ZNF804A: variants seen among roughly 807,000 people sequenced by gnomAD.
ZNF804A encodes zinc finger protein 804A.
In ZNF804A, 2 loss-of-function variants were observed where a neutral mutation model predicts 16.5. The ratio of observed to expected loss-of-function variants is 0.12; its 90% CI spans 0.05 to 0.38. The LOEUF is 0.38. Among genes scored for constraint, ZNF804A ranks in the 10% least tolerant of loss-of-function variants. The pLI is 0.99. For synonymous variants in ZNF804A, 534 were observed against 489.6 expected, an observed-to-expected ratio of 1.09 and a Z score of -1.20; for missense variants, 1,473 against 1,390.7, an observed-to-expected ratio of 1.06 and a Z score of -0.94.
intron 1 of ZNF804A, among the ~76,000 whole-genome samples, chr2:184,663,039 T>G (rs985526887): frequency 6.6e-6 from 1 of 152,062 alleles, no homozygotes; most frequent in Non-Finnish European, 1.5e-5. Context: ...CCCTCTGGAG[T>G]AGCCTCTGTG....
At chr2:184,915,213 C>A (rs1286417302) in intron 2 of ZNF804A, among the ~76,000 whole-genome samples, 1 of 151,820 alleles carries the variant, frequency 6.6e-6, no homozygotes, top group Non-Finnish European at 1.5e-5. Context: ...TATTTTCTGG[C>A]ATTATTACTC....
chr2:184,879,917 G>A (rs994450237), intron 2 of ZNF804A, among the ~76,000 whole-genome samples: 2 of 152,018 alleles, frequency 1.3e-5, no homozygotes, highest in Non-Finnish European at 2.9e-5. Flanking sequence ...TAAATCAACA[G>A]GAGAGATTAC....
intron 2 of ZNF804A, among the ~76,000 whole-genome samples, chr2:184,928,192 G>A (rs1685638656): frequency 6.6e-6 from 1 of 152,138 alleles, no homozygotes; most frequent in Non-Finnish European, 1.5e-5. Context: ...CAGTTAGCAA[G>A]TGATCAATTC....
At chr2:184,636,734 A>G (rs1691706438) in intron 1 of ZNF804A, among the ~76,000 whole-genome samples, 1 of 152,022 alleles carries the variant, frequency 6.6e-6, no homozygotes, top group African/African-American at 2.4e-5. Context: ...AAGGCGATTG[A>G]TGAACCTACA....
At chr2:184,777,726 T>TTTG (rs921707408) in intron 1 of ZNF804A, among the ~76,000 whole-genome samples, 8 of 151,624 alleles carry the variant, frequency 5.3e-5, no homozygotes, top group Non-Finnish European at 8.9e-5. Flanking sequence ...TAATTGGTCT[T>TTTG]TTGTTGTTGT....
chr2:184,831,137 GA>G, intron 1 of ZNF804A, among the ~76,000 whole-genome samples: 1 of 152,158 alleles, frequency 6.6e-6, no homozygotes, highest in South Asian at 2.1e-4. Context: ...GAGAAAACAA[GA>G]TTTCCCTTCC....
chr2:184,891,899 T>C (rs1323913688), intron 2 of ZNF804A, among the ~76,000 whole-genome samples: 1 of 152,146 alleles, frequency 6.6e-6, no homozygotes, highest in Non-Finnish European at 1.5e-5. Flanking sequence ...CATTGCAGTG[T>C]TTATCCTAAA....
intron 2 of ZNF804A, among the ~76,000 whole-genome samples, chr2:184,929,592 T>A (rs1262654002): frequency 6.6e-6 from 1 of 152,092 alleles, no homozygotes; most frequent in Non-Finnish European, 1.5e-5. Flanking sequence ...TGACTAGAGC[T>A]TTTCTAAAGA....
chr2:184,850,594 CTTTTT>C (rs1173935814), intron 1 of ZNF804A, among the ~76,000 whole-genome samples: 2 of 146,206 alleles, frequency 1.4e-5, no homozygotes, highest in East Asian at 2.0e-4. Context: ...CTCTTTCTTT[CTTTTT>C]TTTTTAACTT....
intron 1 of ZNF804A, among the ~76,000 whole-genome samples, chr2:184,602,119 C>T (rs1210452422): frequency 1.3e-5 from 2 of 151,858 alleles, no homozygotes; most frequent in Non-Finnish European, 2.9e-5. Context: ...CATATTATAC[C>T]ACCCAAACAT....
At chr2:184,831,151 G>T (rs1375812900) in intron 1 of ZNF804A, among the ~76,000 whole-genome samples, 2 of 151,968 alleles carry the variant, frequency 1.3e-5, no homozygotes, top group African/African-American at 4.8e-5. Context: ...TCCCTTCCAG[G>T]TACAGCACCA....
chr2:184,918,097 C>A (rs1685478779), intron 2 of ZNF804A, among the ~76,000 whole-genome samples: 1 of 152,104 alleles, frequency 6.6e-6, no homozygotes, highest in South Asian at 2.1e-4. Flanking sequence ...AAGATATGCC[C>A]TATGGGATGT....
At chr2:184,834,707 T>C (rs1434987649) in intron 1 of ZNF804A, among the ~76,000 whole-genome samples, 2 of 152,248 alleles carry the variant, frequency 1.3e-5, no homozygotes, top group East Asian at 3.9e-4. Flanking sequence ...CTGTAGAATT[T>C]ATCTGAAGCC....
intron 1 of ZNF804A, among the ~76,000 whole-genome samples, chr2:184,626,096 C>T (rs1253702885): frequency 6.6e-6 from 1 of 152,100 alleles, no homozygotes; most frequent in Non-Finnish European, 1.5e-5. Context: ...TCTTGATCTC[C>T]TGATCTCGTG....
intron 1 of ZNF804A, among the ~76,000 whole-genome samples, chr2:184,829,903 A>AAAAC (rs1695231583): frequency 9.0e-6 from 1 of 111,596 alleles, no homozygotes; most frequent in African/African-American, 4.8e-5. Flanking sequence ...CTCTACCAAA[A>AAAAC]AAAAAAAAAA....
intron 2 of ZNF804A, among the ~76,000 whole-genome samples, chr2:184,899,552 T>G (rs1390368504): frequency 6.6e-6 from 1 of 151,986 alleles, no homozygotes; most frequent in Non-Finnish European, 1.5e-5. Context: ...AAAATGTTAG[T>G]TGAAACCCTT....
At chr2:184,868,631 A>G (rs111941190) in intron 2 of ZNF804A, among the ~76,000 whole-genome samples, 3 of 152,170 alleles carry the variant, frequency 2.0e-5, no homozygotes, top group African/African-American at 7.2e-5. Context: ...AACAAAACAA[A>G]CTTAAAAGAG....
chr2:184,937,593 A>G lies in ZNF804A; in HGVS notation c.2197A>G (p.Ser733Gly). ...TTGGAAAACCAAAATGTCAAGCTGTAGTCAGGATCACAGAAGCTTAGTTCT... is the reference window on the plus strand; with the variant it reads ...TTGGAAAACCAAAATGTCAAGCTGTGGTCAGGATCACAGAAGCTTAGTTCT... ...CCWKTKMSSC[S>G]QDHRSLVLQN... Residue 733 changes from serine to glycine, a missense_variant, in exon 4 of 4, where the codon AGT (serine) becomes GGT (glycine). Ser to Gly is a moderately conservative substitution (Grantham distance 56). Coordinates refer to ENST00000302277, the MANE Select transcript of ZNF804A (RefSeq NM_194250.2). The G allele has an allele frequency of 1.9e-6, 3 of 1,613,434 alleles. No individual in the cohort carries two copies. The highest frequency in any genetic ancestry group is 1.7e-6 in the Non-Finnish European group (2 of 1,179,816).
intron 1 of ZNF804A, among the ~76,000 whole-genome samples, chr2:184,787,246 G>A (rs1340563283): frequency 3.3e-5 from 5 of 151,816 alleles, no homozygotes; most frequent in Admixed American, 3.3e-4. Flanking sequence ...CACTTTCTTT[G>A]TCCAGTCAAC....
Sources: gnomAD v4.1 joint callset for allele counts (sites outside exome capture counted in the v4.1 genomes callset) on GRCh38, gnomAD v4.1.1 for gene constraint, MANE v1.5 for transcripts, NCBI Gene and HGNC (gene_info 2026-07-23, HGNC 2026-07-21) for gene names.